The following TYW3 variants were observed in gnomAD, a reference collection of about 807,000 sequenced individuals.
The protein encoded by TYW3 is tRNA wybutosine-synthesizing protein 3 homolog.
Under a neutral mutation model 23.1 loss-of-function variants are expected in TYW3, and 26 were observed. The ratio of observed to expected loss-of-function variants is 1.13; its 90% CI spans 0.83 to 1.56. The LOEUF (loss-of-function observed/expected upper bound fraction) is 1.56. Among genes scored for constraint, TYW3 ranks in the 40% most tolerant of loss-of-function variants. TYW3 has a pLI of 0.00. For missense variants in TYW3, 316 were observed against 311.9 expected (o/e 1.01, Z -0.10); for synonymous variants, 102 against 105.7 (o/e 0.97, Z 0.21).
chr1:74,738,226 A>G (rs1648220884), intron 2 of TYW3, among the ~76,000 whole-genome samples: 1 of 152,156 alleles, frequency 6.6e-6, no homozygotes, highest in Non-Finnish European at 1.5e-5. Flanking sequence ...GCTATTTGTG[A>G]GCTTACTAGT....
At chr1:74,741,109 C>T (rs1648342620) in intron 3 of TYW3, among the ~76,000 whole-genome samples, 1 of 152,098 alleles carries the variant, frequency 6.6e-6, no homozygotes, top group Non-Finnish European at 1.5e-5. Context: ...TAGTTGAGCT[C>T]GTTTGGCTAC....
intron 3 of TYW3, among the ~76,000 whole-genome samples, chr1:74,747,884 T>C (rs895213214): frequency 1.7e-5 from 1 of 60,304 alleles, no homozygotes; most frequent in Non-Finnish European, 7.5e-5. Context: ...TACACACACA[T>C]ATACACATAT....
At chr1:74,742,464 C>T (rs566910279) in intron 3 of TYW3, among the ~76,000 whole-genome samples, 2 of 152,164 alleles carry the variant, frequency 1.3e-5, no homozygotes, top group Non-Finnish European at 2.9e-5. Flanking sequence ...AGTCCCCACT[C>T]TGTTTCGGTT....
In TYW3 at chr1:74,764,251, A is replaced by G. The variant is rs1570087555; in HGVS notation, c.*138A>G. ...GACAAGTGCAGAGCTTCAAACTATA[A>G]CTTTGTTGCCCAGAGGATGTGCAGT... is the stretch of plus-strand genomic sequence containing the variant. On this transcript the variant is annotated 3_prime_UTR_variant, in exon 6 of 6. Transcript: ENST00000370867. 1.4e-6 allele frequency: 1 copy of G among 716,764 alleles called. No homozygotes were observed. The highest frequency in any genetic ancestry group is 2.8e-5 in the East Asian group (1 of 36,140). The allele number at this position is 716,764 out of a possible 1,614,324, so 44.4% of individuals were successfully genotyped here. A position where few individuals can be genotyped will look rare whatever the true frequency, so the allele number is the denominator to read the frequency against.
chr1:74,753,991 C>T (rs961323161), intron 5 of TYW3, among the ~76,000 whole-genome samples: 4 of 152,128 alleles, frequency 2.6e-5, no homozygotes, highest in Non-Finnish European at 5.9e-5. Flanking sequence ...AAAAACCTGG[C>T]CACAAAATAC....
chr1:74,762,466 C>T (rs187839481), intron 5 of TYW3, among the ~76,000 whole-genome samples: 453 of 152,174 alleles, frequency 3.0e-3, no homozygotes, highest in Middle Eastern at 0.01. Flanking sequence ...TAGGATAACA[C>T]ATTTATAGTT....
At position 74,764,039 on chromosome 1, in the gene TYW3, A is replaced by G. The variant is rs199505789; in HGVS notation, c.706A>G (p.Ser236Gly). The part of the protein sequence containing the change: ...KTRAQCITKE[S>G]DEELENDDDD... ...ACGTGCCCAGTGTATTACTAAAGAA[A>G]GTGATGAAGAACTTGAAAATGATGA... Residue 236 changes from serine (S) to glycine (G), a missense_variant, in exon 6 of 6, where the codon AGT becomes GGT. Ser to Gly is a moderately conservative substitution (Grantham distance 56). Transcript: ENST00000370867. The G allele has an allele frequency of 1.9e-6, 3 of 1,613,324 alleles. No homozygotes were observed. Among genetic ancestry groups the G allele is most frequent in the East Asian group, 2.2e-5 (1 of 44,848 alleles).
At chr1:74,738,460 G>A (rs1162980005) in intron 2 of TYW3, among the ~76,000 whole-genome samples, 2 of 152,192 alleles carry the variant, frequency 1.3e-5, no homozygotes, top group Non-Finnish European at 2.9e-5. Context: ...ACACTAATAG[G>A]TGGAAAGAAT....
At chr1:74,748,442 A>G (rs1344319553) in intron 3 of TYW3, among the ~76,000 whole-genome samples, 2 of 152,226 alleles carry the variant, frequency 1.3e-5, no homozygotes, top group Non-Finnish European at 2.9e-5. Flanking sequence ...CACAATTAGA[A>G]GAATGATTGT....
rs1045812232 is a variant in TYW3 at position 74,765,063 on chromosome 1, C to T, written c.*950C>T. 5.3e-5 allele frequency: 8 copies of T among 152,080 alleles called. No individual in the cohort carries two copies. The highest frequency in any genetic ancestry group is 1.9e-4 in the East Asian group (1 of 5,180). 9.4% of individuals were successfully genotyped at this position (152,080 alleles called of 1,614,324 possible). A position where few individuals can be genotyped will look rare whatever the true frequency, so the allele number is the denominator to read the frequency against. ...GAGATGCTACTTTAATAGGCCCTGC[C>T]GCAGATCTTCCAAACCAGAATCTTA... On this transcript the variant is annotated 3_prime_UTR_variant, in exon 6 of 6. Transcript: ENST00000370867.
intron 4 of TYW3, among the ~76,000 whole-genome samples, chr1:74,750,564 A>AAAAAT (rs1648746606): frequency 6.6e-6 from 1 of 151,908 alleles, no homozygotes; most frequent in Admixed American, 6.6e-5. Context: ...ACTCTGTCTC[A>AAAAAT]AAAATAAAAT....
intron 4 of TYW3, 109 bp downstream of exon 4, chr1:74,748,931 A>G (rs1648684464): frequency 9.8e-7 from 1 of 1,023,632 alleles, no homozygotes; most frequent in Non-Finnish European, 1.5e-6. Flanking sequence ...TCTTCTTGCC[A>G]TTCTCTTACT....
At chr1:74,740,122 C>T (rs1477852157) in intron 3 of TYW3, among the ~76,000 whole-genome samples, 1 of 152,178 alleles carries the variant, frequency 6.6e-6, no homozygotes, top group African/African-American at 2.4e-5. Context: ...TGTGACAGTT[C>T]TTAAAGATGG....
chr1:74,750,078 T>G (rs1182488233), intron 4 of TYW3: 1 of 152,286 alleles, frequency 6.6e-6, no homozygotes, highest in Non-Finnish European at 1.5e-5. Flanking sequence ...GTTTCCATAT[T>G]CAATTCGTTA....
intron 5 of TYW3, among the ~76,000 whole-genome samples, chr1:74,757,132 C>T (rs1040181653): frequency 2.0e-5 from 3 of 152,230 alleles, no homozygotes; most frequent in African/African-American, 7.2e-5. Flanking sequence ...CATGGAGAAC[C>T]TCTGCTAGGG....
rs1249400763 is a variant in TYW3, at chr1:74,733,378, C to T, written c.134C>T (p.Thr45Ile). ...CTGAACATGCGAGATCAGTTTTTCACCACCAGCTCCTGCGCTGGCCGCATC... is the reference window on the plus strand; with the variant it reads ...CTGAACATGCGAGATCAGTTTTTCATCACCAGCTCCTGCGCTGGCCGCATC... The part of the protein sequence containing the change: ...QFLNMRDQFF[T>I]TSSCAGRILL... The change falls in exon 1 of 6, where the codon ACC becomes ATC. Residue 45 changes from threonine (T) to isoleucine (I), a missense_variant. By Grantham distance (89) the Thr-to-Ile change is moderately conservative. Transcript: ENST00000370867. 1.9e-6 allele frequency: 3 copies of T among 1,614,220 alleles called. No individual in the cohort carries two copies. Among genetic ancestry groups the T allele is most frequent in the Non-Finnish European group, 2.5e-6 (3 of 1,180,030 alleles).
chr1:74,755,267 C>T (rs980478145), intron 5 of TYW3, among the ~76,000 whole-genome samples: 4 of 152,102 alleles, frequency 2.6e-5, no homozygotes, highest in South Asian at 4.1e-4. Flanking sequence ...ATGCAACTGT[C>T]GCCACTGTCC....
chr1:74,736,523 A>G lies in TYW3; in HGVS notation c.175-19A>G, dbSNP rs1020610849. ...TAAAATATTATATGAAACTTAAATT[A>G]TGTTATTTTTTATTTTAGGGTATAA... On this transcript the variant is annotated intron_variant, in intron 1 of 5. Coordinates refer to ENST00000370867, the MANE Select transcript of TYW3 (RefSeq NM_138467.3). The G allele has an allele frequency of 1.3e-6, 2 of 1,555,292 alleles. No individual in the cohort carries two copies. The highest frequency in any genetic ancestry group is 1.4e-5 in the African/African-American group (1 of 73,018).
intron 2 of TYW3, 48 bp downstream of exon 2, chr1:74,736,670 C>A: frequency 2.9e-6 from 4 of 1,396,138 alleles, no homozygotes; most frequent in African/African-American, 1.4e-5. Flanking sequence ...AATTCAGTTA[C>A]TTTAAATACA....
Sources: allele counts gnomAD v4.1 joint callset (sites outside exome capture counted in the v4.1 genomes callset), GRCh38; gene constraint gnomAD v4.1.1; transcripts MANE v1.5; gene names NCBI Gene and HGNC (gene_info 2026-07-23, HGNC 2026-07-21).